Variants in CSMD1 observed in about 807,000 individuals in gnomAD.
CSMD1 encodes CUB and Sushi multiple domains 1, also known as CUB and sushi domain-containing protein 1.
CSMD1 carries 213 observed loss-of-function variants against 417.5 expected under a neutral mutation model. That is an observed-to-expected ratio of 0.51 (90% CI 0.46 to 0.57). CSMD1 has a LOEUF of 0.57. Ranked by LOEUF, CSMD1 falls within the 20% of genes least tolerant of loss-of-function variation. The probability of loss-of-function intolerance (pLI) is 0.00; values close to 1 mark genes in which losing one functional copy is unlikely to be tolerated. For synonymous variants in CSMD1, 2,862 were observed against 1,736.8 expected (o/e 1.65, Z -16.11); for missense variants, 6,923 against 4,529.7 (o/e 1.53, Z -15.17).
At chr8:3,574,242 G>GT (rs145271223) in intron 10 of CSMD1, among the ~76,000 whole-genome samples, 1,961 of 152,278 alleles carry the variant, frequency 0.013, 50 homozygotes, top group African/African-American at 0.044. Context: ...AGACAGAATT[G>GT]TTTTTTATCT....
chr8:4,081,623 C>A (rs1203265072), intron 3 of CSMD1, among the ~76,000 whole-genome samples: 1 of 152,048 alleles, frequency 6.6e-6, no homozygotes, highest in Non-Finnish European at 1.5e-5. Flanking sequence ...TTTTGAAGGA[C>A]AAATGGAGAT....
chr8:3,538,952 C>T (rs559884838), intron 10 of CSMD1, among the ~76,000 whole-genome samples: 2 of 152,314 alleles, frequency 1.3e-5, no homozygotes, highest in African/African-American at 4.8e-5. Flanking sequence ...ACCCCAATGT[C>T]ATCAAAGCAT....
intron 1 of CSMD1, among the ~76,000 whole-genome samples, chr8:4,771,938 G>A (rs1796620112): frequency 6.6e-6 from 1 of 152,170 alleles, no homozygotes; most frequent in Non-Finnish European, 1.5e-5. Context: ...CCATCCCGGG[G>A]ATCTCGTGAT....
chr8:4,248,794 T>C (rs555894055), intron 3 of CSMD1, among the ~76,000 whole-genome samples: 1 of 152,090 alleles, frequency 6.6e-6, no homozygotes, highest in Non-Finnish European at 1.5e-5. Flanking sequence ...CTCCTCTGAA[T>C]GGAAAAATCT....
intron 13 of CSMD1, among the ~76,000 whole-genome samples, chr8:3,408,552 A>C (rs1235025910): frequency 6.6e-6 from 1 of 151,386 alleles, no homozygotes; most frequent in African/African-American, 2.5e-5. Context: ...CAGAAGAGCA[A>C]ATATTAATAT....
intron 37 of CSMD1, among the ~76,000 whole-genome samples, chr8:3,169,708 G>C (rs983402954): frequency 7.1e-6 from 1 of 140,454 alleles, no homozygotes; most frequent in African/African-American, 2.6e-5. Context: ...GCTGAGTCTA[G>C]AGCTAGAAAT....
chr8:4,776,944 G>A (rs1796883677), intron 1 of CSMD1, among the ~76,000 whole-genome samples: 2 of 152,224 alleles, frequency 1.3e-5, no homozygotes, highest in African/African-American at 2.4e-5. Context: ...ACTGGTGTTT[G>A]TAAAATTACG....
At chr8:4,731,803 G>A (rs1270873434) in intron 1 of CSMD1, among the ~76,000 whole-genome samples, 2 of 152,116 alleles carry the variant, frequency 1.3e-5, no homozygotes, top group Non-Finnish European at 2.9e-5. Context: ...ATTTAGGGTT[G>A]GGCGAACAAC....
chr8:3,406,325 T>C (rs1812339369), intron 14 of CSMD1, 104 bp from the exon 15 acceptor site: 1 of 825,072 alleles, frequency 1.2e-6, no homozygotes, highest in Non-Finnish European at 1.8e-6. Context: ...ATTCATATAA[T>C]GTATATAATT....
intron 49 of CSMD1, among the ~76,000 whole-genome samples, chr8:3,058,642 C>T (rs1212013747): frequency 6.6e-6 from 1 of 152,080 alleles, no homozygotes; most frequent in Non-Finnish European, 1.5e-5. Flanking sequence ...TCCTTATCCC[C>T]AGGCCATGCT....
At chr8:3,288,475 G>C (rs1187728210) in intron 25 of CSMD1, among the ~76,000 whole-genome samples, 3 of 147,124 alleles carry the variant, frequency 2.0e-5, no homozygotes, top group South Asian at 4.2e-4. Context: ...CTCAATTTCA[G>C]ACCCTGTTAT....
intron 23 of CSMD1, among the ~76,000 whole-genome samples, chr8:3,342,206 C>A (rs986727463): frequency 6.6e-6 from 1 of 152,146 alleles, no homozygotes; most frequent in African/African-American, 2.4e-5. Flanking sequence ...CAAAGTCTTA[C>A]AATTCTTCAC....
At chr8:3,794,761 C>A (rs1554439784) in intron 5 of CSMD1, among the ~76,000 whole-genome samples, 1 of 152,004 alleles carries the variant, frequency 6.6e-6, no homozygotes, top group Non-Finnish European at 1.5e-5. Context: ...CAAGACTGTA[C>A]TCTGAAACAA....
intron 49 of CSMD1, among the ~76,000 whole-genome samples, chr8:3,058,498 G>T (rs1198126117): frequency 6.6e-6 from 1 of 152,138 alleles, no homozygotes; most frequent in Non-Finnish European, 1.5e-5. Flanking sequence ...GGTGCTAATT[G>T]CTGACAAATG....
intron 50 of CSMD1, among the ~76,000 whole-genome samples, chr8:3,052,037 G>C (rs1811854075): frequency 6.6e-6 from 1 of 152,100 alleles, no homozygotes; most frequent in South Asian, 2.1e-4. Context: ...AAATAAATGA[G>C]GCACTGCTTT....
chr8:3,828,419 CCTCTGA>C (rs143816980), intron 5 of CSMD1, among the ~76,000 whole-genome samples: 3,054 of 152,194 alleles, frequency 0.02, 104 homozygotes, highest in African/African-American at 0.069. Context: ...ATTGCAACAG[CCTCTGA>C]CTTGGAATAC....
intron 5 of CSMD1, among the ~76,000 whole-genome samples, chr8:3,903,056 G>T (rs576474771): frequency 6.6e-6 from 1 of 152,136 alleles, no homozygotes; most frequent in African/African-American, 2.4e-5. Flanking sequence ...TGACCACCTG[G>T]ATTGGATAAC....
intron 2 of CSMD1, among the ~76,000 whole-genome samples, chr8:4,504,441 T>G (rs1366676933): frequency 6.6e-6 from 1 of 152,232 alleles, no homozygotes; most frequent in Non-Finnish European, 1.5e-5. Context: ...GTTGTACACT[T>G]ACAAGTTTGT....
chr8:4,885,648 G>C lies in CSMD1; in HGVS notation c.85+108684C>G, dbSNP rs577815086. On this transcript the variant is annotated intron_variant, in intron 1 of 69. Transcript: ENST00000635120. ...TCACATTAATAGATTTTCAGGTGTTGAATCAACCTTTCTTTCTTCATTAAA... is the reference window on the plus strand; with the variant it reads ...TCACATTAATAGATTTTCAGGTGTTCAATCAACCTTTCTTTCTTCATTAAA... 2.2e-4 allele frequency among the ~76,000 whole-genome samples: 33 copies of C among 151,738 alleles called. No homozygotes were observed. In the South Asian group the frequency reaches 6.7e-3, roughly 31 times the overall value.
Sources: allele counts gnomAD v4.1 joint callset (sites outside exome capture counted in the v4.1 genomes callset), GRCh38; gene constraint gnomAD v4.1.1; transcripts MANE v1.5; gene names NCBI Gene and HGNC (gene_info 2026-07-23, HGNC 2026-07-21).